The following DAB1 variants were observed in gnomAD, a reference collection of about 807,000 sequenced individuals.
DAB1 encodes the protein disabled homolog 1.
DAB1 carries 15 observed loss-of-function variants against 64.6 expected under a neutral mutation model. That is an observed-to-expected ratio of 0.23 (90% CI 0.16 to 0.36). The LOEUF (loss-of-function observed/expected upper bound fraction) is 0.36, where lower values mean the gene tolerates loss of function less well. Among genes scored for constraint, DAB1 ranks in the 10% least tolerant of loss-of-function variants. The pLI, the probability that DAB1 is intolerant of heterozygous loss-of-function variation, is 1.00. For missense variants in DAB1, 596 were observed against 706.7 expected, an observed-to-expected ratio of 0.84 and a Z score of 1.78; for synonymous variants, 235 against 251.9, an observed-to-expected ratio of 0.93 and a Z score of 0.64.
At chr1:57,144,005 T>C (rs1313240335) in intron 3 of DAB1, among the ~76,000 whole-genome samples, 1 of 151,710 alleles carries the variant, frequency 6.6e-6, no homozygotes, top group Non-Finnish European at 1.5e-5. Context: ...GACAGGAAAC[T>C]GTATAAATTT....
chr1:57,995,579 CAATA>C (rs1212693296), intron 5 of DAB1, among the ~76,000 whole-genome samples: 1 of 152,078 alleles, frequency 6.6e-6, no homozygotes, highest in African/African-American at 2.4e-5. Context: ...CATTAATCCT[CAATA>C]AATACAGTTA....
intron 6 of DAB1, among the ~76,000 whole-genome samples, chr1:57,695,435 A>AGAAG (rs1646832808): frequency 6.8e-6 from 1 of 148,060 alleles, no homozygotes; most frequent in African/African-American, 2.5e-5. Flanking sequence ...AAAGAAAGAA[A>AGAAG]AAAGAAGAAA....
intron 9 of DAB1, among the ~76,000 whole-genome samples, chr1:57,035,634 C>A (rs1647116773): frequency 6.6e-6 from 1 of 152,040 alleles, no homozygotes; most frequent in African/African-American, 2.4e-5. Context: ...GGCCATGTAA[C>A]CCTTGACAAG....
chr1:57,656,068 G>A (rs1260573257), intron 6 of DAB1, among the ~76,000 whole-genome samples: 1 of 152,160 alleles, frequency 6.6e-6, no homozygotes. Context: ...AATGGAATTA[G>A]TGCCCTTATA....
intron 7 of DAB1, among the ~76,000 whole-genome samples, chr1:57,646,953 C>T (rs139352581): frequency 1.1e-4 from 17 of 152,310 alleles, no homozygotes; most frequent in African/African-American, 3.8e-4. Flanking sequence ...TTTCTCAGCA[C>T]AGCATTGCTC....
chr1:57,974,503 T>G (rs926695291), intron 5 of DAB1, among the ~76,000 whole-genome samples: 1 of 151,724 alleles, frequency 6.6e-6, no homozygotes, highest in African/African-American at 2.4e-5. Context: ...TATATATAGA[T>G]ATATAGATAG....
intron 7 of DAB1, among the ~76,000 whole-genome samples, chr1:57,460,112 C>T (rs1181843550): frequency 6.6e-6 from 1 of 152,148 alleles, no homozygotes; most frequent in East Asian, 1.9e-4. Flanking sequence ...GGCTAGAGAG[C>T]ACCATTAGTT....
intron 3 of DAB1, among the ~76,000 whole-genome samples, chr1:58,427,440 G>A (rs760396096): frequency 6.6e-6 from 1 of 152,204 alleles, no homozygotes; most frequent in African/African-American, 2.4e-5. Context: ...ACTGTAGGGA[G>A]AAAGAGTGGA....
chr1:57,843,219 C>T (rs1201920580), intron 1 of DAB1, among the ~76,000 whole-genome samples: 5 of 152,224 alleles, frequency 3.3e-5, no homozygotes, highest in Non-Finnish European at 7.3e-5. Context: ...CCAAGTCCTC[C>T]CAGCATCCAT....
intron 4 of DAB1, among the ~76,000 whole-genome samples, chr1:58,177,909 T>C (rs1656576246): frequency 6.6e-6 from 1 of 152,196 alleles, no homozygotes; most frequent in African/African-American, 2.4e-5. Context: ...ACTTCAGATG[T>C]GCTCTGACAT....
At chr1:57,245,340 G>T (rs1668784688) in intron 2 of DAB1, among the ~76,000 whole-genome samples, 1 of 152,126 alleles carries the variant, frequency 6.6e-6, no homozygotes, top group African/African-American at 2.4e-5. Flanking sequence ...GTGCAGGTCT[G>T]TTACATAGGT....
chr1:57,511,699 G>T (rs1644407159), intron 7 of DAB1, among the ~76,000 whole-genome samples: 1 of 152,116 alleles, frequency 6.6e-6, no homozygotes, highest in Admixed American at 6.5e-5. Context: ...GTAGTACAAT[G>T]CCTAGCACAT....
chr1:57,329,418 C>T (rs1245097155), intron 1 of DAB1, among the ~76,000 whole-genome samples: 1 of 152,134 alleles, frequency 6.6e-6, no homozygotes, highest in Non-Finnish European at 1.5e-5. Flanking sequence ...GGCCATTACT[C>T]GTACTTTATA....
chr1:57,695,424 GAAAGAAAGAAA>G lies in DAB1; in HGVS notation n.552-45770_552-45760del, dbSNP rs1646832239. On this transcript the variant is annotated intron_variant and non_coding_transcript_variant, in intron 6 of 20. Coordinates refer to the DAB1 transcript ENST00000485760. The stretch of plus-strand genomic sequence containing the variant: ...AGAAAGAAAGAAAGAAAGAAAGAAA[GAAAGAAAGAAA>G]AAAGAAGAAAAGAGCCAATTAAGTC... Among the ~76,000 whole-genome samples, 3 of 119,964 alleles carry G rather than the reference GAAAGAAAGAAA, an allele frequency of 2.5e-5. 1 individual carries two copies. Among genetic ancestry groups the G allele is most frequent in the East Asian group, 2.5e-4 (1 of 3,934 alleles). 78.7% of individuals were successfully genotyped at this position (119,964 alleles called of 152,430 possible).
intron 3 of DAB1, among the ~76,000 whole-genome samples, chr1:58,418,566 G>A (rs191922019): frequency 1.3e-5 from 2 of 152,170 alleles, no homozygotes; most frequent in East Asian, 3.9e-4. Context: ...GTCATTAAAG[G>A]GTTCCCAGTC....
chr1:57,552,885 G>C (rs1644930654), intron 7 of DAB1, among the ~76,000 whole-genome samples: 1 of 152,128 alleles, frequency 6.6e-6, no homozygotes, highest in Admixed American at 6.6e-5. Context: ...AAAAATCTGG[G>C]AAACAGATGA....
intron 3 of DAB1, among the ~76,000 whole-genome samples, chr1:58,491,646 C>A (rs1336869458): frequency 6.6e-6 from 1 of 152,052 alleles, no homozygotes; most frequent in Non-Finnish European, 1.5e-5. Flanking sequence ...TTTAAACCAA[C>A]AAAGATCAAA....
At chr1:57,405,600 T>C (rs1316297190) in intron 1 of DAB1, among the ~76,000 whole-genome samples, 1 of 152,238 alleles carries the variant, frequency 6.6e-6, no homozygotes, top group Admixed American at 6.5e-5. Context: ...GAAAACAAGA[T>C]GTCTAGCTTT....
In DAB1 at chr1:57,600,743, C is replaced by G. The variant is rs183922411; in HGVS notation, n.625+48849G>C. Among the ~76,000 whole-genome samples, 20 of 152,254 alleles carry G rather than the reference C, an allele frequency of 1.3e-4. No individual in the cohort carries two copies. The East Asian group carries it at 3.3e-3, about 25-fold the overall frequency. ...GCCTGAAGATGTAATTATTGCAAAGCAGCGAAAAATTTCAAAAGTTGAGCT... is the reference window on the plus strand; with the variant it reads ...GCCTGAAGATGTAATTATTGCAAAGGAGCGAAAAATTTCAAAAGTTGAGCT... On this transcript the variant is annotated intron_variant and non_coding_transcript_variant, in intron 7 of 20. Coordinates refer to the DAB1 transcript ENST00000485760.
Sources: gnomAD v4.1 joint callset for allele counts (sites outside exome capture counted in the v4.1 genomes callset) on GRCh38, gnomAD v4.1.1 for gene constraint, MANE v1.5 for transcripts, NCBI Gene and HGNC (gene_info 2026-07-23, HGNC 2026-07-21) for gene names.